RBFOX3: variants seen among roughly 807,000 people sequenced by gnomAD.
The protein encoded by RBFOX3 is RNA binding fox-1 homolog 3.
RBFOX3 carries 17 observed loss-of-function variants against 48.7 expected under a neutral mutation model. The observed-to-expected ratio is 0.35, with a 90% CI of 0.24 to 0.52. The LOEUF (loss-of-function observed/expected upper bound fraction) is 0.52, where lower values mean the gene tolerates loss of function less well. RBFOX3 is among the 20% of genes least tolerant of loss of function. The pLI, the probability that RBFOX3 is intolerant of heterozygous loss-of-function variation, is 0.94. For synonymous variants in RBFOX3, 212 were observed against 209.5 expected, an observed-to-expected ratio of 1.01 and a Z score of -0.10; for missense variants, 382 against 497.5, an observed-to-expected ratio of 0.77 and a Z score of 2.21.
intron 3 of RBFOX3, among the ~76,000 whole-genome samples, chr17:79,273,672 G>A (rs956818697): frequency 6.6e-6 from 1 of 152,182 alleles, no homozygotes; most frequent in Non-Finnish European, 1.5e-5. Context: ...GATGGGCATT[G>A]GTACCACAGA....
chr17:79,528,576 A>C (rs2087171400), intron 1 of RBFOX3, among the ~76,000 whole-genome samples: 1 of 151,966 alleles, frequency 6.6e-6, no homozygotes, highest in Non-Finnish European at 1.5e-5. Flanking sequence ...AGATGTAATT[A>C]AGTTGGAAGT....
intron 2 of RBFOX3, among the ~76,000 whole-genome samples, chr17:79,360,960 T>C (rs911748097): frequency 1.1e-4 from 17 of 152,078 alleles, no homozygotes; most frequent in Non-Finnish European, 1.5e-5. Flanking sequence ...TGTGAGTAAT[T>C]GTTGGGAGAG....
In RBFOX3 at chr17:79,453,363, G is replaced by A. The variant is rs115716174; in HGVS notation, c.-175+29091C>T. Among the ~76,000 whole-genome samples, 780 of 152,334 alleles carry A rather than the reference G, an allele frequency of 5.1e-3. 11 individuals carry two copies. Among genetic ancestry groups the A allele is most frequent in the African/African-American group, 0.017 (725 of 41,578 alleles). On this transcript the variant is annotated intron_variant, in intron 2 of 14. Transcript: ENST00000693108. ...CAGAGATGGCCATAGAAGCTGGGGCGTCGCAGTGGGGCCCCTCTCTTCCTC... is the reference window on the plus strand; with the variant it reads ...CAGAGATGGCCATAGAAGCTGGGGCATCGCAGTGGGGCCCCTCTCTTCCTC...
chr17:79,346,849 A>G (rs1470669669), intron 2 of RBFOX3, among the ~76,000 whole-genome samples: 1 of 152,206 alleles, frequency 6.6e-6, no homozygotes. Flanking sequence ...ACTAAAAACA[A>G]TGTCTTCTAT....
intron 2 of RBFOX3, among the ~76,000 whole-genome samples, chr17:79,425,955 A>G (rs2067290495): frequency 6.6e-6 from 1 of 152,116 alleles, no homozygotes; most frequent in Non-Finnish European, 1.5e-5. Flanking sequence ...CTCTCTCTGC[A>G]ATGGGAAGAC....
At chr17:79,340,702 C>A (rs1327991566) in intron 2 of RBFOX3, among the ~76,000 whole-genome samples, 1 of 151,956 alleles carries the variant, frequency 6.6e-6, no homozygotes, top group Non-Finnish European at 1.5e-5. Context: ...TTCATGACAG[C>A]CTGACTTCAT....
At chr17:79,340,824 G>C (rs1266919061) in intron 2 of RBFOX3, among the ~76,000 whole-genome samples, 1 of 152,194 alleles carries the variant, frequency 6.6e-6, no homozygotes, top group African/African-American at 2.4e-5. Context: ...TCAGCATGCC[G>C]GAGAGGGCTG....
rs1173152697 is a variant in RBFOX3, at chr17:79,563,409, C to A, written c.-320+47417G>T. The stretch of plus-strand genomic sequence containing the variant: ...AGGGCAGGATCCCTACGCCCCACTG[C>A]CCTCAGCAGCCCCTTAGGGGGAAGA... On this transcript the variant is annotated intron_variant, in intron 1 of 14. Transcript: ENST00000693108. Among the ~76,000 whole-genome samples, 4 of 152,218 alleles carry A rather than the reference C, an allele frequency of 2.6e-5. No individual in the cohort carries two copies. The East Asian group carries it at 7.7e-4, about 29-fold the overall frequency.
At chr17:79,442,353 AAGAGG>A (rs1568258770) in intron 2 of RBFOX3, among the ~76,000 whole-genome samples, 1 of 5,984 alleles carries the variant, frequency 1.7e-4, no homozygotes, top group Non-Finnish European at 2.8e-4. Context: ...GGGAGGGAGG[AAGAGG>A]GGGGGAGAGA....
At chr17:79,550,814 T>A (rs1178666374) in intron 1 of RBFOX3, among the ~76,000 whole-genome samples, 1 of 152,014 alleles carries the variant, frequency 6.6e-6, no homozygotes, top group Non-Finnish European at 1.5e-5. Context: ...GTGGGTTGAT[T>A]TATGGACAGA....
intron 4 of RBFOX3, among the ~76,000 whole-genome samples, chr17:79,224,707 A>G (rs1049031146): frequency 5.3e-5 from 8 of 152,198 alleles, no homozygotes; most frequent in African/African-American, 1.9e-4. Context: ...ATTGGTTTAC[A>G]CTGTAATTAT....
At chr17:79,372,789 C>G (rs2058733918) in intron 2 of RBFOX3, among the ~76,000 whole-genome samples, 1 of 152,204 alleles carries the variant, frequency 6.6e-6, no homozygotes, top group Non-Finnish European at 1.5e-5. Flanking sequence ...TCAGGAGGAA[C>G]CAGCATAGAG....
rs1461007394 is a variant in RBFOX3, at chr17:79,299,143, T to A, written c.-74+8581A>T. Reference sequence around the variant, plus strand: ...AATAAATAAGAGGCCAGGTGTGGTATCTCGGTGCTGGCAAAACAGAGGCCA... The same window carrying A: ...AATAAATAAGAGGCCAGGTGTGGTAACTCGGTGCTGGCAAAACAGAGGCCA... On this transcript the variant is annotated intron_variant, in intron 3 of 14. Coordinates refer to ENST00000693108, the MANE Select transcript of RBFOX3 (RefSeq NM_001350451.2). The surrounding 1 kb of genome is among the most constrained non-coding windows in gnomAD (Gnocchi z 4.5). Among the ~76,000 whole-genome samples, 1 of 106,256 alleles carries A rather than the reference T, an allele frequency of 9.4e-6. No homozygotes were observed. 69.7% of individuals were successfully genotyped at this position (106,256 alleles called of 152,430 possible). A position where few individuals can be genotyped will look rare whatever the true frequency, so the allele number is the denominator to read the frequency against.
chr17:79,194,286 G>C (rs143489012), intron 4 of RBFOX3, among the ~76,000 whole-genome samples: 2 of 152,160 alleles, frequency 1.3e-5, no homozygotes, highest in East Asian at 3.9e-4. Flanking sequence ...CCGAGCAAGG[G>C]GGTTCTGCCA....
intron 3 of RBFOX3, among the ~76,000 whole-genome samples, chr17:79,269,134 G>A (rs533440264): frequency 6.6e-6 from 1 of 152,360 alleles, no homozygotes; most frequent in East Asian, 1.9e-4. Context: ...GAGACGTGCA[G>A]GCACACGCCA....
chr17:79,622,299 T>C, the RBFOX3 span, among the ~76,000 whole-genome samples: 2 of 152,094 alleles, frequency 1.3e-5, no homozygotes, highest in African/African-American at 4.8e-5. Flanking sequence ...TCCTTCCAGT[T>C]CCAACCTGCT....
intron 1 of RBFOX3, among the ~76,000 whole-genome samples, chr17:79,508,490 C>T (rs1048673977): frequency 6.6e-6 from 1 of 152,226 alleles, no homozygotes; most frequent in African/African-American, 2.4e-5. Context: ...CTTCTCAGTG[C>T]CTCCCTCCTC....
intron 2 of RBFOX3, among the ~76,000 whole-genome samples, chr17:79,419,397 T>TA (rs1312113492): frequency 1.3e-5 from 2 of 152,192 alleles, no homozygotes; most frequent in African/African-American, 4.8e-5. Flanking sequence ...GACCTACGTC[T>TA]TGGCAGGGTT....
At chr17:79,626,434 G>A in the RBFOX3 span, among the ~76,000 whole-genome samples, 3 of 152,354 alleles carry the variant, frequency 2.0e-5, no homozygotes, top group Admixed American at 1.3e-4. Flanking sequence ...GGCCACTGTC[G>A]CTTCTGCAGG....
Sources: gnomAD v4.1 joint callset for allele counts (sites outside exome capture counted in the v4.1 genomes callset) on GRCh38, gnomAD v4.1.1 for gene constraint, Gnocchi (gnomAD v3.1) non-coding constraint, MANE v1.5 for transcripts, NCBI Gene and HGNC (gene_info 2026-07-23, HGNC 2026-07-21) for gene names.